Variants in LRRC4C observed in about 807,000 individuals in gnomAD.
LRRC4C encodes leucine rich repeat containing 4C, also known as leucine-rich repeat-containing protein 4C.
In LRRC4C, 5 loss-of-function variants were observed where a neutral mutation model predicts 33.6. The observed-to-expected ratio is 0.15, with a 90% CI of 0.08 to 0.31. The LOEUF (loss-of-function observed/expected upper bound fraction) is 0.31, where lower values mean the gene tolerates loss of function less well. Among genes scored for constraint, LRRC4C ranks in the 10% least tolerant of loss-of-function variants. LRRC4C has a pLI of 1.00. For missense variants in LRRC4C, 560 were observed against 796.7 expected (o/e 0.70, Z 3.58); for synonymous variants, 329 against 302.0 (o/e 1.09, Z -0.93).
chr11:40,216,175 T>A (rs965725200), intron 5 of LRRC4C, among the ~76,000 whole-genome samples: 1 of 152,182 alleles, frequency 6.6e-6, no homozygotes, highest in African/African-American at 2.4e-5. Context: ...CTTGGAGTGT[T>A]GCTCTCATCA....
At chr11:40,727,785 AC>A (rs931799981) in intron 2 of LRRC4C, among the ~76,000 whole-genome samples, 1 of 152,132 alleles carries the variant, frequency 6.6e-6, no homozygotes, top group Non-Finnish European at 1.5e-5. Context: ...GCGATGACTC[AC>A]ACCTGTAATC....
chr11:41,033,685 C>T (rs1856857981), intron 1 of LRRC4C, among the ~76,000 whole-genome samples: 1 of 152,034 alleles, frequency 6.6e-6, no homozygotes, highest in Admixed American at 6.6e-5. Context: ...GAAGCCAAGG[C>T]ACTTATTTTT....
At chr11:40,383,659 T>G (rs1948983585) in intron 3 of LRRC4C, among the ~76,000 whole-genome samples, 1 of 152,092 alleles carries the variant, frequency 6.6e-6, no homozygotes, top group Non-Finnish European at 1.5e-5. Flanking sequence ...TACCTTCTTT[T>G]TAGAAATGTT....
chr11:40,297,263 T>C (rs1944559135), intron 4 of LRRC4C, among the ~76,000 whole-genome samples: 1 of 152,230 alleles, frequency 6.6e-6, no homozygotes, highest in Admixed American at 6.5e-5. Context: ...TGCTGTGTTA[T>C]AAATCCTGGA....
chr11:40,506,680 T>A (rs182690526), intron 3 of LRRC4C, among the ~76,000 whole-genome samples: 16,800 of 151,944 alleles, frequency 0.11, 1,000 homozygotes, highest in Middle Eastern at 0.16. Context: ...CAAAATAACA[T>A]AAAAATAGCC....
chr11:41,160,296 G>A (rs987478553), intron 1 of LRRC4C, among the ~76,000 whole-genome samples: 1 of 151,544 alleles, frequency 6.6e-6, no homozygotes, highest in African/African-American at 2.4e-5. Context: ...TTCATGCCAG[G>A]AGATCAAGGC....
At chr11:40,259,298 A>C (rs1867484188) in intron 4 of LRRC4C, among the ~76,000 whole-genome samples, 1 of 151,686 alleles carries the variant, frequency 6.6e-6, no homozygotes, top group Admixed American at 6.6e-5. Flanking sequence ...TTCATTGTAG[A>C]TTCTGGATAT....
intron 3 of LRRC4C, among the ~76,000 whole-genome samples, chr11:40,606,202 AG>A: frequency 6.6e-6 from 1 of 152,186 alleles, no homozygotes; most frequent in Non-Finnish European, 1.5e-5. Context: ...CTAGAAGCCT[AG>A]GAGTTAGTGA....
chr11:40,225,619 C>CTT lies in LRRC4C; in HGVS notation c.-96+15898_-96+15899dup, dbSNP rs34973833. Among the ~76,000 whole-genome samples, 964 of 140,772 alleles carry CTT rather than the reference C, an allele frequency of 6.8e-3. 8 individuals carry two copies. Among genetic ancestry groups the CTT allele is most frequent in the Admixed American group, 0.012 (164 of 13,972 alleles). 92.4% of individuals were successfully genotyped at this position (140,772 alleles called of 152,430 possible). On this transcript the variant is annotated intron_variant, in intron 5 of 6. Coordinates refer to ENST00000528697, the MANE Select transcript of LRRC4C (RefSeq NM_001258419.2). Reference sequence around the variant, plus strand: ...ATATTTCCCAATTCTCTCTCTCTCTCTTTTTTTTTTTTTTTGAGACAGAGT... The same window carrying CTT: ...ATATTTCCCAATTCTCTCTCTCTCTCTTTTTTTTTTTTTTTTTGAGACAGAGT...
intron 1 of LRRC4C, among the ~76,000 whole-genome samples, chr11:41,269,360 C>T (rs1296236675): frequency 6.6e-6 from 1 of 151,914 alleles, no homozygotes; most frequent in Non-Finnish European, 1.5e-5. Context: ...AATTGCCTTG[C>T]CCACAGCCTG....
At chr11:41,282,086 T>A (rs1244407883) in intron 1 of LRRC4C, among the ~76,000 whole-genome samples, 2 of 152,174 alleles carry the variant, frequency 1.3e-5, no homozygotes, top group Non-Finnish European at 2.9e-5. Context: ...ATATATTGTG[T>A]TCTAAAATAT....
intron 1 of LRRC4C, among the ~76,000 whole-genome samples, chr11:41,410,807 A>T (rs973103257): frequency 1.3e-5 from 2 of 152,122 alleles, no homozygotes; most frequent in Non-Finnish European, 2.9e-5. Context: ...TTAGAATATC[A>T]TCACATTATC....
chr11:41,199,898 A>G (rs1946336202), intron 1 of LRRC4C, among the ~76,000 whole-genome samples: 1 of 152,130 alleles, frequency 6.6e-6, no homozygotes, highest in African/African-American at 2.4e-5. Context: ...CAGATAAAAT[A>G]TATACATTCC....
At chr11:40,141,937 CA>C (rs1857393149) in intron 5 of LRRC4C, among the ~76,000 whole-genome samples, 1 of 152,042 alleles carries the variant, frequency 6.6e-6, no homozygotes, top group South Asian at 2.1e-4. Flanking sequence ...TGAATATGAT[CA>C]AAATGTATTT....
intron 2 of LRRC4C, among the ~76,000 whole-genome samples, chr11:40,889,319 A>C (rs137887210): frequency 0.01 from 1,539 of 152,234 alleles, 24 homozygotes; most frequent in African/African-American, 0.035. Flanking sequence ...ACAGTAAAAC[A>C]GTATGCTTCA....
chr11:41,346,881 C>G (rs1951820719), intron 1 of LRRC4C, among the ~76,000 whole-genome samples: 1 of 152,122 alleles, frequency 6.6e-6, no homozygotes, highest in Admixed American at 6.5e-5. Context: ...TAAAAGTTCA[C>G]AGTAAATTAT....
intron 1 of LRRC4C, among the ~76,000 whole-genome samples, chr11:41,387,357 T>A (rs1407862104): frequency 6.6e-6 from 1 of 151,758 alleles, no homozygotes; most frequent in Admixed American, 6.6e-5. Flanking sequence ...AACACCTGAC[T>A]GAATCAGTGT....
At chr11:41,355,528 A>G (rs1440189079) in intron 1 of LRRC4C, among the ~76,000 whole-genome samples, 1 of 152,116 alleles carries the variant, frequency 6.6e-6, no homozygotes, top group Non-Finnish European at 1.5e-5. Context: ...AATTCTTCCC[A>G]ATTTGTATAT....
chr11:40,676,950 A>G (rs1413357085), intron 2 of LRRC4C, among the ~76,000 whole-genome samples: 5 of 152,208 alleles, frequency 3.3e-5, no homozygotes, highest in African/African-American at 1.2e-4. Flanking sequence ...GAAAAACATC[A>G]GGAGAAACAG....
Sources: gnomAD v4.1 joint callset for allele counts (sites outside exome capture counted in the v4.1 genomes callset) on GRCh38, gnomAD v4.1.1 for gene constraint, MANE v1.5 for transcripts, NCBI Gene and HGNC (gene_info 2026-07-23, HGNC 2026-07-21) for gene names.